NUP210L: variants seen among roughly 807,000 people sequenced by gnomAD.
The protein encoded by NUP210L is nucleoporin 210 like, also known as nuclear pore membrane glycoprotein 210-like.
NUP210L carries 74 observed loss-of-function variants against 208.5 expected under a neutral mutation model. The observed-to-expected ratio is 0.35, with a 90% CI of 0.29 to 0.43. NUP210L has a LOEUF of 0.43. Ranked by LOEUF, NUP210L falls within the 20% of genes least tolerant of loss-of-function variation. The pLI is 1.00. For synonymous variants in NUP210L, 780 were observed against 816.9 expected (o/e 0.95, Z 0.77); for missense variants, 1,843 against 2,289.4 (o/e 0.81, Z 3.98).
intron 21 of NUP210L, 27 bp from the exon 22 acceptor site, chr1:154,058,243 AGCAAAG>A (rs1473574601): frequency 6.2e-7 from 1 of 1,611,870 alleles, no homozygotes; most frequent in African/African-American, 1.3e-5. Context: ...AAAAGATTTT[AGCAAAG>A]GTGTCTCATT....
At chr1:154,139,687 C>T in intron 5 of NUP210L, 115 bp downstream of exon 5, 1 of 543,904 alleles carries the variant, frequency 1.8e-6, no homozygotes, top group Non-Finnish European at 3.1e-6. Context: ...AACAAACAAA[C>T]AAAAAAAAAA....
At chr1:154,065,892 CAAAAAAAAAAA>C (rs58053478) in intron 17 of NUP210L, among the ~76,000 whole-genome samples, 12 of 61,114 alleles carry the variant, frequency 2.0e-4, no homozygotes, top group African/African-American at 7.2e-4. Context: ...GACTCTGTCT[CAAAAAAAAAAA>C]AAAAAAAAAA....
At chr1:154,149,361 C>T (rs1659274586) in intron 2 of NUP210L, among the ~76,000 whole-genome samples, 1 of 152,160 alleles carries the variant, frequency 6.6e-6, no homozygotes, top group African/African-American at 2.4e-5. Flanking sequence ...GCTGGGATTA[C>T]AGGCGTGAGC....
intron 12 of NUP210L, among the ~76,000 whole-genome samples, chr1:154,112,008 A>G (rs1395588966): frequency 1.3e-5 from 2 of 151,290 alleles, no homozygotes; most frequent in Non-Finnish European, 2.9e-5. Flanking sequence ...GCTCACTGCA[A>G]CCTCTGCCTC....
intron 2 of NUP210L, among the ~76,000 whole-genome samples, chr1:154,145,751 T>G (rs1045950614): frequency 6.6e-6 from 1 of 152,200 alleles, no homozygotes. Flanking sequence ...TATGAGCTCA[T>G]GTTTATTTTA....
intron 23 of NUP210L, among the ~76,000 whole-genome samples, chr1:154,055,171 C>CTTTCTTTCTT (rs1399306344): frequency 1.7e-5 from 2 of 116,386 alleles, no homozygotes; most frequent in African/African-American, 6.1e-5. Flanking sequence ...TTCTTTCTTT[C>CTTTCTTTCTT]TTTCTTTCTT....
At chr1:154,105,028 G>A (rs139791771) in intron 12 of NUP210L, among the ~76,000 whole-genome samples, 3 of 152,232 alleles carry the variant, frequency 2.0e-5, no homozygotes, top group South Asian at 2.1e-4. Flanking sequence ...TTTGCAACTC[G>A]GATAATAGCT....
At chr1:154,108,482 GT>G (rs1426260326) in intron 12 of NUP210L, among the ~76,000 whole-genome samples, 1 of 147,790 alleles carries the variant, frequency 6.8e-6, no homozygotes, top group African/African-American at 2.7e-5. Context: ...GTTTTGATTA[GT>G]TTTCTCTTTG....
intron 10 of NUP210L, among the ~76,000 whole-genome samples, chr1:154,124,406 C>A (rs753347943): frequency 6.6e-6 from 1 of 152,012 alleles, no homozygotes; most frequent in Admixed American, 6.6e-5. Context: ...GCAGGTTTGG[C>A]AGGCTAGTAA....
intron 7 of NUP210L, among the ~76,000 whole-genome samples, chr1:154,131,874 G>A (rs1400403526): frequency 1.3e-5 from 2 of 151,810 alleles, no homozygotes; most frequent in African/African-American, 4.8e-5. Context: ...GTGCCATCTC[G>A]GCTCACTGCA....
intron 17 of NUP210L, among the ~76,000 whole-genome samples, chr1:154,065,921 A>C (rs1326756053): frequency 6.6e-6 from 1 of 150,908 alleles, no homozygotes; most frequent in African/African-American, 2.4e-5. Context: ...AAAAAAAAGA[A>C]AGAAAGAAAA....
intron 1 of NUP210L, among the ~76,000 whole-genome samples, chr1:154,154,562 C>CCAA (rs1659592381): frequency 1.3e-5 from 2 of 152,266 alleles, no homozygotes; most frequent in African/African-American, 2.4e-5. Flanking sequence ...CCACCCCTTC[C>CCAA]CAACACACAC....
Position 154,017,235 on chromosome 1 carries a change from T to C in NUP210L, c.4653+1698A>G, listed in dbSNP as rs555149956. Among the ~76,000 whole-genome samples the C allele has an allele frequency of 1.2e-3, 176 of 149,544 alleles. 1 individual carries two copies. Among genetic ancestry groups the C allele is most frequent in the African/African-American group, 4.2e-3 (170 of 40,574 alleles). On this transcript the variant is annotated intron_variant, in intron 33 of 39. Coordinates refer to ENST00000368559, the Ensembl canonical transcript of NUP210L. ...GGCAGATGTTGCAGTGAGCCAAGAT[T>C]AAACCATTGCTCTCCAGCCTGGGCA...
At chr1:154,145,155 C>T (rs891953213) in intron 2 of NUP210L, among the ~76,000 whole-genome samples, 3 of 150,942 alleles carry the variant, frequency 2.0e-5, no homozygotes, top group East Asian at 2.0e-4. Flanking sequence ...TGATGGCTCA[C>T]GCCTGTAATC....
At chr1:154,071,199 C>A (rs1654707685) in intron 16 of NUP210L, among the ~76,000 whole-genome samples, 1 of 151,768 alleles carries the variant, frequency 6.6e-6, no homozygotes, top group Admixed American at 6.6e-5. Flanking sequence ...CAGGCTCAAG[C>A]CATCCTCCCA....
intron 16 of NUP210L, among the ~76,000 whole-genome samples, chr1:154,088,446 G>A (rs1655738981): frequency 6.6e-6 from 1 of 152,072 alleles, no homozygotes; most frequent in Non-Finnish European, 1.5e-5. Context: ...CAACTTGCCT[G>A]TAAATTTGAA....
At chr1:154,141,580 G>T in intron 3 of NUP210L, 56 bp from the exon 4 acceptor site, 1 of 1,061,782 alleles carries the variant, frequency 9.4e-7, no homozygotes. Flanking sequence ...AAATATTCAG[G>T]TATTTACAAC....
intron 6 of NUP210L, 39 bp downstream of exon 6, chr1:154,138,067 G>A: frequency 7.0e-7 from 1 of 1,420,218 alleles, no homozygotes; most frequent in Non-Finnish European, 9.3e-7. Flanking sequence ...AAAAGATTTG[G>A]GAAATGTGAG....
At chr1:154,042,102 CTCTT>C (rs1380055342) in intron 27 of NUP210L, among the ~76,000 whole-genome samples, 1 of 151,998 alleles carries the variant, frequency 6.6e-6, no homozygotes, top group South Asian at 2.1e-4. Flanking sequence ...CTCTCTCTCT[CTCTT>C]TTTTTTTTTC....
Sources: allele counts gnomAD v4.1 joint callset (sites outside exome capture counted in the v4.1 genomes callset), GRCh38; gene constraint gnomAD v4.1.1; transcripts MANE v1.5; gene names NCBI Gene and HGNC (gene_info 2026-07-23, HGNC 2026-07-21).